The following IQCM variants were observed in gnomAD, a reference collection of about 807,000 sequenced individuals.
IQCM encodes the protein IQ domain-containing protein M.
IQCM carries 45 observed loss-of-function variants against 57.6 expected under a neutral mutation model. The ratio of observed to expected loss-of-function variants is 0.78; its 90% confidence interval spans 0.62 to 1.00. The LOEUF (loss-of-function observed/expected upper bound fraction) is 1.00, where lower values mean the gene tolerates loss of function less well. Ranked by LOEUF, IQCM falls within the 50% of genes least tolerant of loss-of-function variation. The probability of loss-of-function intolerance (pLI) is 0.00; values close to 1 mark genes in which losing one functional copy is unlikely to be tolerated. For missense variants in IQCM, 468 were observed against 511.6 expected (o/e 0.91, Z 0.82); for synonymous variants, 148 against 158.9 (o/e 0.93, Z 0.51).
intron 2 of IQCM, among the ~76,000 whole-genome samples, chr4:149,773,704 G>C (rs377080249): frequency 4.6e-5 from 7 of 152,344 alleles, no homozygotes; most frequent in Middle Eastern, 3.4e-3. Flanking sequence ...TAGAGGTGGA[G>C]GGGGCAGAGA....
At chr4:149,589,362 A>G (rs1034128853) in intron 8 of IQCM, among the ~76,000 whole-genome samples, 2 of 151,988 alleles carry the variant, frequency 1.3e-5, no homozygotes, top group African/African-American at 4.8e-5. Flanking sequence ...TTGCATTTTA[A>G]GTTTCAAAGG....
At position 149,507,147 on chromosome 4, in the gene IQCM, C is replaced by G. The variant is rs1458612618; in HGVS notation, c.1228+41308G>C. On this transcript the variant is annotated intron_variant, in intron 12 of 13. Transcript: ENST00000636793. The stretch of plus-strand genomic sequence containing the variant: ...CACCATGATTGTGAGGCCTCCCCAG[C>G]CATGTGGAATTGTAAGTCCAATAAA... Among the ~76,000 whole-genome samples, 3 of 152,266 alleles carry G rather than the reference C, an allele frequency of 2.0e-5. No individual in the cohort carries two copies. In the East Asian group the frequency reaches 5.8e-4, roughly 29 times the overall value.
Position 149,682,117 on chromosome 4 carries a change from C to G in IQCM, c.565+1G>C. Reference sequence around the variant, plus strand: ...TACCAACATTTATGTATAAGACTCACCAGGTTCTTTCAGAAGTTCCAAGTT... The same window carrying G: ...TACCAACATTTATGTATAAGACTCAGCAGGTTCTTTCAGAAGTTCCAAGTT... On this transcript the variant is annotated splice_donor_variant, in intron 7 of 13. Coordinates refer to ENST00000636793, the MANE Select transcript of IQCM (RefSeq NM_001363507.2). LOFTEE classifies it high-confidence loss of function. 8.5e-7 allele frequency: 1 copy of G among 1,179,728 alleles called. No individual in the cohort carries two copies. Among genetic ancestry groups the G allele is most frequent in the Non-Finnish European group, 1.1e-6 (1 of 940,960 alleles). 73.1% of individuals were successfully genotyped at this position (1,179,728 alleles called of 1,614,324 possible).
chr4:149,723,935 T>C (rs1219107134), intron 5 of IQCM, among the ~76,000 whole-genome samples: 1 of 151,536 alleles, frequency 6.6e-6, no homozygotes, highest in African/African-American at 2.4e-5. Context: ...TTTTCCTTCC[T>C]GGGAGATTTT....
At chr4:149,493,784 T>A (rs970707555) in intron 12 of IQCM, among the ~76,000 whole-genome samples, 5 of 151,180 alleles carry the variant, frequency 3.3e-5, no homozygotes, top group African/African-American at 1.2e-4. Context: ...TTAATTCAAG[T>A]GCTGTTGCTG....
chr4:149,658,501 A>G (rs894731263), intron 7 of IQCM, among the ~76,000 whole-genome samples: 2 of 152,084 alleles, frequency 1.3e-5, no homozygotes, highest in Non-Finnish European at 2.9e-5. Context: ...TCGTGGTTCC[A>G]TAAGAATTTT....
At chr4:149,613,307 T>C (rs987449383) in intron 8 of IQCM, among the ~76,000 whole-genome samples, 2 of 152,152 alleles carry the variant, frequency 1.3e-5, no homozygotes, top group East Asian at 1.9e-4. Flanking sequence ...TTTTTCATTA[T>C]GTGATAAAAT....
chr4:149,791,724 C>T (rs902290473), intron 2 of IQCM, among the ~76,000 whole-genome samples: 1 of 152,132 alleles, frequency 6.6e-6, no homozygotes, highest in Non-Finnish European at 1.5e-5. Flanking sequence ...AACCATACTT[C>T]ATATAATGTC....
At chr4:149,469,530 G>C (rs1020858778) in intron 12 of IQCM, among the ~76,000 whole-genome samples, 4 of 152,156 alleles carry the variant, frequency 2.6e-5, no homozygotes, top group African/African-American at 4.8e-5. Context: ...GAGAATGGAA[G>C]CAAGTTGGAA....
At chr4:149,654,507 G>A (rs1351389661) in intron 7 of IQCM, among the ~76,000 whole-genome samples, 3 of 152,160 alleles carry the variant, frequency 2.0e-5, no homozygotes, top group Admixed American at 6.5e-5. Context: ...CTTCCGCCAT[G>A]AGTAAAAGCT....
intron 7 of IQCM, among the ~76,000 whole-genome samples, chr4:149,654,332 T>A (rs918748493): frequency 1.2e-4 from 18 of 152,082 alleles, no homozygotes; most frequent in Non-Finnish European, 2.6e-4. Flanking sequence ...GTTTGGGCCA[T>A]GGGGGTGGAT....
intron 12 of IQCM, among the ~76,000 whole-genome samples, chr4:149,477,002 GCATCTGGCTA>G (rs1358998178): frequency 6.6e-6 from 1 of 152,074 alleles, no homozygotes; most frequent in East Asian, 1.9e-4. Context: ...CCCTGGGAAG[GCATCTGGCTA>G]CATAGAAGCT....
chr4:149,353,942 C>A (rs1036370637), intron 13 of IQCM, among the ~76,000 whole-genome samples: 14 of 152,100 alleles, frequency 9.2e-5, no homozygotes, highest in Non-Finnish European at 1.5e-5. Flanking sequence ...GTCGCAAAAA[C>A]AAAATAAACG....
intron 12 of IQCM, among the ~76,000 whole-genome samples, chr4:149,496,216 C>G (rs934993353): frequency 2.0e-5 from 3 of 152,054 alleles, no homozygotes; most frequent in African/African-American, 7.2e-5. Context: ...TTAGCCCAAC[C>G]CAATATAATT....
chr4:149,388,518 T>C (rs1578886239), intron 13 of IQCM, among the ~76,000 whole-genome samples: 1 of 138,948 alleles, frequency 7.2e-6, no homozygotes, highest in Non-Finnish European at 1.5e-5. Flanking sequence ...ATTATACATA[T>C]ATATTATATA....
intron 7 of IQCM, among the ~76,000 whole-genome samples, chr4:149,675,588 C>A (rs1341175095): frequency 6.6e-6 from 1 of 152,030 alleles, no homozygotes; most frequent in Admixed American, 6.6e-5. Context: ...TGAGGGGTGA[C>A]ATCAGAAAAG....
chr4:149,684,328 G>T (rs545012086), intron 6 of IQCM, among the ~76,000 whole-genome samples: 1 of 151,368 alleles, frequency 6.6e-6, no homozygotes, highest in Non-Finnish European at 1.5e-5. Flanking sequence ...TAAAAGATTT[G>T]ATCATATTCA....
chr4:149,798,479 G>A (rs112762285), intron 2 of IQCM, among the ~76,000 whole-genome samples: 4 of 152,044 alleles, frequency 2.6e-5, no homozygotes, highest in Admixed American at 6.6e-5. Flanking sequence ...AAAATGGCAG[G>A]AGTAAGTCCT....
At chr4:149,439,489 A>T (rs1241039539) in intron 12 of IQCM, among the ~76,000 whole-genome samples, 3 of 152,076 alleles carry the variant, frequency 2.0e-5, no homozygotes, top group Non-Finnish European at 2.9e-5. Context: ...AAATACTTTT[A>T]GTTAATAACT....
Sources: allele counts gnomAD v4.1 joint callset (sites outside exome capture counted in the v4.1 genomes callset), GRCh38; gene constraint gnomAD v4.1.1; transcripts MANE v1.5; gene names NCBI Gene and HGNC (gene_info 2026-07-23, HGNC 2026-07-21).